Variants in FOXP1 observed in about 807,000 individuals in gnomAD.
The protein encoded by FOXP1 is forkhead box protein P1.
Under a neutral mutation model 98.2 loss-of-function variants are expected in FOXP1, and 15 were observed. The observed-to-expected ratio is 0.15, with a 90% CI of 0.10 to 0.24. FOXP1 has a LOEUF of 0.24. FOXP1 is among the 10% of genes least tolerant of loss of function. The probability of loss-of-function intolerance (pLI) is 1.00; values close to 1 mark genes in which losing one functional copy is unlikely to be tolerated. For synonymous variants in FOXP1, 371 were observed against 314.5 expected, an observed-to-expected ratio of 1.18 and a Z score of -1.90; for missense variants, 633 against 848.5, an observed-to-expected ratio of 0.75 and a Z score of 3.15.
At chr3:71,223,466 T>C (rs898442600) in intron 5 of FOXP1, among the ~76,000 whole-genome samples, 3 of 151,916 alleles carry the variant, frequency 2.0e-5, no homozygotes, top group East Asian at 3.9e-4. Context: ...GAGGCTAAGG[T>C]GGGTGGATCA....
At chr3:70,981,715 C>G (rs1277744048) in intron 14 of FOXP1, among the ~76,000 whole-genome samples, 1 of 152,188 alleles carries the variant, frequency 6.6e-6, no homozygotes, top group Non-Finnish European at 1.5e-5. Context: ...AGTGCCAAGT[C>G]TCAATAGAGG....
At chr3:71,075,755 C>T (rs1207654552) in intron 7 of FOXP1, among the ~76,000 whole-genome samples, 1 of 152,002 alleles carries the variant, frequency 6.6e-6, no homozygotes, top group African/African-American at 2.4e-5. Flanking sequence ...AACTCTGTCA[C>T]CCAGACTGGA....
At chr3:71,062,696 T>A (rs899275950) in intron 7 of FOXP1, among the ~76,000 whole-genome samples, 46 of 152,294 alleles carry the variant, frequency 3.0e-4, no homozygotes, top group African/African-American at 1.0e-3. Context: ...ATGTTATACC[T>A]CTCATTTCCT....
intron 3 of FOXP1, among the ~76,000 whole-genome samples, chr3:71,373,806 T>C (rs1378053829): frequency 6.6e-6 from 1 of 152,152 alleles, no homozygotes; most frequent in Admixed American, 6.5e-5. Flanking sequence ...AAGAAAAGGG[T>C]GAACTCACCT....
chr3:71,090,068 A>G (rs2055624749), intron 7 of FOXP1, among the ~76,000 whole-genome samples: 1 of 152,204 alleles, frequency 6.6e-6, no homozygotes, highest in Admixed American at 6.5e-5. Flanking sequence ...AAGCCTTCAA[A>G]AAGTTCGAAC....
chr3:71,445,378 G>C (rs1158494843), intron 3 of FOXP1, among the ~76,000 whole-genome samples: 1 of 152,140 alleles, frequency 6.6e-6, no homozygotes, highest in Non-Finnish European at 1.5e-5. Context: ...AACCGGAATG[G>C]GGCTGATGCT....
chr3:71,581,974 A>T, intron 1 of FOXP1: 2 of 743,996 alleles, frequency 2.7e-6, no homozygotes, highest in Non-Finnish European at 3.2e-6. Context: ...GGGGAGGAAT[A>T]GGGAGAAGGG....
chr3:71,534,763 C>T (rs1344388875), intron 2 of FOXP1, among the ~76,000 whole-genome samples: 6 of 152,192 alleles, frequency 3.9e-5, no homozygotes, highest in Non-Finnish European at 1.5e-5. Context: ...AAGGGCTCAC[C>T]ACAGCCAGGG....
chr3:71,061,442 C>G (rs1051010016), intron 7 of FOXP1, among the ~76,000 whole-genome samples: 1 of 152,106 alleles, frequency 6.6e-6, no homozygotes, highest in Non-Finnish European at 1.5e-5. Flanking sequence ...TCCTTCTACT[C>G]AAGCATATAT....
chr3:71,336,504 T>C (rs556793153), intron 4 of FOXP1, among the ~76,000 whole-genome samples: 44 of 152,298 alleles, frequency 2.9e-4, no homozygotes, highest in African/African-American at 1.0e-3. Context: ...ACATGAAAAT[T>C]TAATGGTTAC....
intron 9 of FOXP1, among the ~76,000 whole-genome samples, chr3:71,050,931 T>G (rs1316518611): frequency 6.6e-6 from 1 of 152,244 alleles, no homozygotes; most frequent in African/African-American, 2.4e-5. Context: ...TATATGCTCT[T>G]GAATGTGGAT....
intron 3 of FOXP1, among the ~76,000 whole-genome samples, chr3:71,467,876 A>T (rs981077358): frequency 1.3e-5 from 2 of 152,226 alleles, no homozygotes; most frequent in Non-Finnish European, 2.9e-5. Context: ...CTGATGCTGC[A>T]GTACAGGGAC....
intron 5 of FOXP1, among the ~76,000 whole-genome samples, chr3:71,270,816 G>A (rs543398628): frequency 3.3e-5 from 5 of 152,302 alleles, no homozygotes; most frequent in East Asian, 1.9e-4. Context: ...TTCTGGGGGC[G>A]TTATAAAGTC....
At chr3:71,066,331 C>T (rs888450361) in intron 7 of FOXP1, among the ~76,000 whole-genome samples, 5 of 152,190 alleles carry the variant, frequency 3.3e-5, no homozygotes, top group Admixed American at 3.3e-4. Context: ...AAAGTATGAT[C>T]AGATGTTAAA....
intron 11 of FOXP1, among the ~76,000 whole-genome samples, chr3:71,020,744 A>G (rs2045310115): frequency 6.6e-6 from 1 of 152,108 alleles, no homozygotes; most frequent in Non-Finnish European, 1.5e-5. Flanking sequence ...GCACTGACCC[A>G]AGTTCTCATC....
chr3:71,256,379 TTC>T (rs1369096045), intron 5 of FOXP1, among the ~76,000 whole-genome samples: 1 of 152,022 alleles, frequency 6.6e-6, no homozygotes, highest in Non-Finnish European at 1.5e-5. Context: ...CACTTCAATT[TTC>T]TGTTTTCTTT....
chr3:71,348,614 A>G (rs1314291543), intron 4 of FOXP1, among the ~76,000 whole-genome samples: 19 of 151,520 alleles, frequency 1.3e-4, no homozygotes, highest in Non-Finnish European at 8.8e-5. Flanking sequence ...ATGTGTGTGC[A>G]CACGCATATG....
At chr3:70,967,462 C>A (rs1407672545) in intron 19 of FOXP1, among the ~76,000 whole-genome samples, 3 of 152,042 alleles carry the variant, frequency 2.0e-5, no homozygotes, top group African/African-American at 7.2e-5. Flanking sequence ...TGTATAACTG[C>A]CTTCTTTTAA....
At chr3:71,502,191 A>T (rs183962046) in intron 2 of FOXP1, among the ~76,000 whole-genome samples, 1 of 152,198 alleles carries the variant, frequency 6.6e-6, no homozygotes, top group Non-Finnish European at 1.5e-5. Context: ...TTCCGTTCCC[A>T]CTGGCAAACT....
Sources: gnomAD v4.1 joint callset for allele counts (sites outside exome capture counted in the v4.1 genomes callset) on GRCh38, gnomAD v4.1.1 for gene constraint, MANE v1.5 for transcripts, NCBI Gene and HGNC (gene_info 2026-07-23, HGNC 2026-07-21) for gene names.